The following TP53INP2 variants were observed in gnomAD, a reference collection of about 807,000 sequenced individuals.
TP53INP2 encodes tumor protein p53 inducible nuclear protein 2.
TP53INP2 carries 12 observed loss-of-function variants against 17.1 expected under a neutral mutation model. The observed-to-expected ratio is 0.70, with a 90% CI of 0.45 to 1.14. TP53INP2 has a LOEUF of 1.14. Among genes scored for constraint, TP53INP2 ranks in the 50% most tolerant of loss-of-function variants. TP53INP2 has a pLI of 0.00. For synonymous variants in TP53INP2, 145 were observed against 147.3 expected, an observed-to-expected ratio of 0.98 and a Z score of 0.12; for missense variants, 342 against 330.9, an observed-to-expected ratio of 1.03 and a Z score of -0.26.
At position 34,709,550 on chromosome 20, in the gene TP53INP2, G is replaced by A; in HGVS notation, c.413+26G>A. The A allele has an allele frequency of 6.3e-7, 1 of 1,587,240 alleles. No individual in the cohort carries two copies. The highest frequency in any genetic ancestry group is 8.5e-7 in the Non-Finnish European group (1 of 1,172,914). On this transcript the variant is annotated intron_variant, in intron 4 of 4. Transcript: ENST00000374810. The surrounding 1 kb of genome is among the most constrained non-coding windows in gnomAD (Gnocchi z 5.4). ...GTGAGCGGGCCGGGGGCGGAGCCTG[G>A]AGGCCCAGGGAGACGGATCTTGGAG...
Position 34,712,532 on chromosome 20 carries a change from A to G in TP53INP2, c.*2225A>G, listed in dbSNP as rs372855142. 5 of 152,648 alleles carry G rather than the reference A, an allele frequency of 3.3e-5. No homozygotes were observed. The highest frequency in any genetic ancestry group is 2.1e-4 in the South Asian group (1 of 4,816). 9.5% of individuals were successfully genotyped at this position (152,648 alleles called of 1,614,324 possible). ...AGCATTTGAGTGTGGCAATATTTTAATTGTGTATAGATTTCTAAGAACCAA... is the reference window on the plus strand; with the variant it reads ...AGCATTTGAGTGTGGCAATATTTTAGTTGTGTATAGATTTCTAAGAACCAA... On this transcript the variant is annotated 3_prime_UTR_variant, in exon 5 of 5. Coordinates refer to ENST00000374810, the MANE Select transcript of TP53INP2 (RefSeq NM_021202.3).
rs1988079150 is a variant in TP53INP2 at position 34,709,162 on chromosome 20, T to G, written c.125-74T>G. The G allele has an allele frequency of 4.6e-5, 1 of 21,608 alleles. No individual in the cohort carries two copies. The highest frequency in any genetic ancestry group is 7.6e-4 in the South Asian group (1 of 1,322). The allele number at this position is 21,608 out of a possible 1,614,324, so 1.3% of individuals were successfully genotyped here. Reference sequence around the variant, plus strand: ...TTTCTCTCCCCGCCCCCTTGTCCGGTGTGTGTGTGTGTGTGTGTGTGTGCC... The same window carrying G: ...TTTCTCTCCCCGCCCCCTTGTCCGGGGTGTGTGTGTGTGTGTGTGTGTGCC... On this transcript the variant is annotated intron_variant, in intron 3 of 4. Coordinates refer to ENST00000374810, the MANE Select transcript of TP53INP2 (RefSeq NM_021202.3). The surrounding 1 kb of genome is among the most constrained non-coding windows in gnomAD (Gnocchi z 5.4).
Position 34,709,593 on chromosome 20 carries a change from G to T in TP53INP2, c.413+69G>T. 1.3e-6 allele frequency: 2 copies of T among 1,507,776 alleles called. No homozygotes were observed. The highest frequency in any genetic ancestry group is 4.8e-5 in the East Asian group (2 of 41,712). 93.4% of individuals were successfully genotyped at this position (1,507,776 alleles called of 1,614,324 possible). On this transcript the variant is annotated intron_variant, in intron 4 of 4. Coordinates refer to ENST00000374810, the MANE Select transcript of TP53INP2 (RefSeq NM_021202.3). This position sits in a 1 kb window ranked among gnomAD's most constrained non-coding sequence, Gnocchi z 5.4. Reference sequence around the variant, plus strand: ...TCTTGGAGGCCAGGGTCCAGGCTAGGAGGCTGGGGTAGTGGGGCCAGGAGC... The same window carrying T: ...TCTTGGAGGCCAGGGTCCAGGCTAGTAGGCTGGGGTAGTGGGGCCAGGAGC...
At position 34,710,448 on chromosome 20, in the gene TP53INP2, A is replaced by C; in HGVS notation, c.*141A>C. On this transcript the variant is annotated 3_prime_UTR_variant, in exon 5 of 5. Transcript: ENST00000374810. This position sits in a 1 kb window ranked among gnomAD's most constrained non-coding sequence, Gnocchi z 4.9. ...AGCCGTTCCTTCCCCGACACCCTCA[A>C]TTTCCCCATCTCTGATCCTCTAATC... The C allele has an allele frequency of 1.1e-6, 1 of 937,426 alleles. No homozygotes were observed. The allele number at this position is 937,426 out of a possible 1,614,324, so 58.1% of individuals were successfully genotyped here.
Position 34,709,169 on chromosome 20 carries a change from G to A in TP53INP2, c.125-67G>A. ...CCCCGCCCCCTTGTCCGGTGTGTGT[G>A]TGTGTGTGTGTGTGTGCCTCCTCGC... On this transcript the variant is annotated intron_variant, in intron 3 of 4. Coordinates refer to ENST00000374810, the MANE Select transcript of TP53INP2 (RefSeq NM_021202.3). This position sits in a 1 kb window ranked among gnomAD's most constrained non-coding sequence, Gnocchi z 5.4. The A allele has an allele frequency of 6.8e-7, 1 of 1,462,054 alleles. No homozygotes were observed. The highest frequency in any genetic ancestry group is 2.5e-5 in the East Asian group (1 of 39,376). The allele number at this position is 1,462,054 out of a possible 1,614,324, so 90.6% of individuals were successfully genotyped here.
Position 34,710,211 on chromosome 20 carries a change from G to T in TP53INP2, c.567G>T (p.Val189=). The change falls in exon 5 of 5, where the codon GTG becomes GTT. Residue 189 remains valine, a synonymous_variant. Transcript: ENST00000374810. This position sits in a 1 kb window ranked among gnomAD's most constrained non-coding sequence, Gnocchi z 4.9. Reference sequence around the variant, plus strand: ...GCCACGCGCTGAGCGCCAAGGCGGTGCAGCGGCAGAACCGAGCCCGCGAGA... The same window carrying T: ...GCCACGCGCTGAGCGCCAAGGCGGTTCAGCGGCAGAACCGAGCCCGCGAGA... The part of the protein sequence containing the change: ...AERHALSAKA[V]QRQNRARESR... 6.8e-7 allele frequency: 1 copy of T among 1,480,902 alleles called. No homozygotes were observed. The highest frequency in any genetic ancestry group is 2.7e-5 in the East Asian group (1 of 37,036). The allele number at this position is 1,480,902 out of a possible 1,614,324, so 91.7% of individuals were successfully genotyped here.
chr20:34,710,131 C>G lies in TP53INP2; in HGVS notation c.487C>G (p.Leu163Val). 1 of 1,268,212 alleles carries G rather than the reference C, an allele frequency of 7.9e-7. No homozygotes were observed. Among genetic ancestry groups the G allele is most frequent in the African/African-American group, 1.5e-5 (1 of 64,532 alleles). 78.6% of individuals were successfully genotyped at this position (1,268,212 alleles called of 1,614,324 possible). A position where few individuals can be genotyped will look rare whatever the true frequency, so the allele number is the denominator to read the frequency against. ...AAPLPARAAL[L>V]EKAGQVRRLQ... Reference sequence around the variant, plus strand: ...TCCTCTCCCAGCGCGGGCGGCGCTGCTGGAGAAGGCGGGCCAGGTGCGGCG... The same window carrying G: ...TCCTCTCCCAGCGCGGGCGGCGCTGGTGGAGAAGGCGGGCCAGGTGCGGCG... The change falls in exon 5 of 5, where the codon CTG (leucine) becomes GTG (valine). Residue 163 changes from leucine to valine, a missense_variant. Transcript: ENST00000374810. The surrounding 1 kb of genome is among the most constrained non-coding windows in gnomAD (Gnocchi z 4.9).
At position 34,708,829 on chromosome 20, in the gene TP53INP2, T is replaced by G; in HGVS notation, c.90T>G (p.Asp30Glu). 1 of 1,611,886 alleles carries G rather than the reference T, an allele frequency of 6.2e-7. No homozygotes were observed. Among genetic ancestry groups the G allele is most frequent in the Non-Finnish European group, 8.5e-7 (1 of 1,178,920 alleles). ...CCCGCGCCTTCGTGTCGGAGGAGGATGAAGTGGACGGCTGGCTCATCATTG... is the reference window on the plus strand; with the variant it reads ...CCCGCGCCTTCGTGTCGGAGGAGGAGGAAGTGGACGGCTGGCTCATCATTG... ...DCPRAFVSEE[D>E]EVDGWLIIDL... is the part of the protein sequence containing the mutation. The change falls in exon 3 of 5, where the codon GAT becomes GAG. Residue 30 changes from aspartate (D) to glutamate (E), a missense_variant. Physicochemically the swap from Asp to Glu is conservative, Grantham distance 45. Coordinates refer to ENST00000374810, the MANE Select transcript of TP53INP2 (RefSeq NM_021202.3).
Position 34,709,668 on chromosome 20 carries a change from CAA to C in TP53INP2, c.413+146_413+147del. ...GGCCTTGGGAGGGTTGCCTTTGAGACAAAGTGGGGGGCCGGTGGGCCTCCGGG... is the reference window on the plus strand; with the variant it reads ...GGCCTTGGGAGGGTTGCCTTTGAGACAGTGGGGGGCCGGTGGGCCTCCGGG... On this transcript the variant is annotated intron_variant, in intron 4 of 4. Coordinates refer to ENST00000374810, the MANE Select transcript of TP53INP2 (RefSeq NM_021202.3). This position sits in a 1 kb window ranked among gnomAD's most constrained non-coding sequence, Gnocchi z 5.4. The C allele has an allele frequency of 7.0e-7, 1 of 1,432,078 alleles. No homozygotes were observed. The highest frequency in any genetic ancestry group is 9.1e-7 in the Non-Finnish European group (1 of 1,098,512). The allele number at this position is 1,432,078 out of a possible 1,614,324, so 88.7% of individuals were successfully genotyped here.
At chr20:34,705,675 GA>G (rs750927277) in intron 2 of TP53INP2, among the ~76,000 whole-genome samples, 1 of 152,218 alleles carries the variant, frequency 6.6e-6, no homozygotes, top group Admixed American at 6.5e-5. Flanking sequence ...TAGGAGAAGG[GA>G]TAGGATAAGG....
rs1469791107 is a variant in TP53INP2 at position 34,713,341 on chromosome 20, G to GT, written c.*3035dup. 3 of 152,624 alleles carry GT rather than the reference G, an allele frequency of 2.0e-5. No individual in the cohort carries two copies. Among genetic ancestry groups the GT allele is most frequent in the Non-Finnish European group, 4.4e-5 (3 of 68,040 alleles). 9.5% of individuals were successfully genotyped at this position (152,624 alleles called of 1,614,324 possible). A position where few individuals can be genotyped will look rare whatever the true frequency, so the allele number is the denominator to read the frequency against. On this transcript the variant is annotated 3_prime_UTR_variant, in exon 5 of 5. Coordinates refer to ENST00000374810, the MANE Select transcript of TP53INP2 (RefSeq NM_021202.3). ...TCATGTGGCATGCCTGTGTATGTGT[G>GT]TAACAGAATTCTGATTGTTAGACTG...
chr20:34,710,260 C>G lies in TP53INP2; in HGVS notation c.616C>G (p.Gln206Glu). ...RESRPRRSKN[Q>E]SSFIYQPCQR... The stretch of plus-strand genomic sequence containing the variant: ...GAGCCGTCCGCGCCGGTCCAAGAAC[C>G]AGAGCAGCTTCATCTACCAGCCGTG... The change falls in exon 5 of 5, where the codon CAG becomes GAG. Residue 206 changes from glutamine to glutamate, a missense_variant. Gln to Glu is a conservative substitution (Grantham distance 29). Coordinates refer to ENST00000374810, the MANE Select transcript of TP53INP2 (RefSeq NM_021202.3). This position sits in a 1 kb window ranked among gnomAD's most constrained non-coding sequence, Gnocchi z 4.9. 1 of 1,469,008 alleles carries G rather than the reference C, an allele frequency of 6.8e-7. No individual in the cohort carries two copies. Among genetic ancestry groups the G allele is most frequent in the Admixed American group, 2.2e-5 (1 of 46,432 alleles). 91.0% of individuals were successfully genotyped at this position (1,469,008 alleles called of 1,614,324 possible).
Position 34,712,731 on chromosome 20 carries a change from TAG to T in TP53INP2, c.*2429_*2430del, listed in dbSNP as rs1396413158. The T allele has an allele frequency of 6.6e-6, 1 of 152,576 alleles. No individual in the cohort carries two copies. Among genetic ancestry groups the T allele is most frequent in the Non-Finnish European group, 1.5e-5 (1 of 68,036 alleles). The allele number at this position is 152,576 out of a possible 1,614,324, so 9.5% of individuals were successfully genotyped here. ...GTCCTATGCAACCTTAGGAGGGGGT[TAG>T]AGAGTCTGTTTTGATTGATGTTTTC... On this transcript the variant is annotated 3_prime_UTR_variant, in exon 5 of 5. Transcript: ENST00000374810.
In TP53INP2 at chr20:34,709,388, A is replaced by G. The variant is rs1988099189; in HGVS notation, c.277A>G (p.Ser93Gly). Residue 93 changes from serine (S) to glycine (G), a missense_variant, in exon 4 of 5, where the codon AGC becomes GGC. By Grantham distance (56) the Ser-to-Gly change is moderately conservative. Coordinates refer to ENST00000374810, the MANE Select transcript of TP53INP2 (RefSeq NM_021202.3). The surrounding 1 kb of genome is among the most constrained non-coding windows in gnomAD (Gnocchi z 5.4). Reference protein sequence around the residue: ...GPGLGPARLQSSPLEDLLIEH... With the variant: ...GPGLGPARLQGSPLEDLLIEH... ...TGGACTCGGTCCCGCCCGCCTCCAG[A>G]GCAGTCCCCTGGAGGACCTCCTCAT... The G allele has an allele frequency of 6.2e-7, 1 of 1,613,724 alleles. No homozygotes were observed. The highest frequency in any genetic ancestry group is 1.1e-5 in the South Asian group (1 of 91,078).
chr20:34,710,455 C>A lies in TP53INP2; in HGVS notation c.*148C>A. The A allele has an allele frequency of 1.1e-6, 1 of 883,764 alleles. No individual in the cohort carries two copies. The highest frequency in any genetic ancestry group is 2.5e-4 in the Middle Eastern group (1 of 4,070). 54.7% of individuals were successfully genotyped at this position (883,764 alleles called of 1,614,324 possible). A position where few individuals can be genotyped will look rare whatever the true frequency, so the allele number is the denominator to read the frequency against. ...CCTTCCCCGACACCCTCAATTTCCC[C>A]ATCTCTGATCCTCTAATCTGCCTCT... is the stretch of plus-strand genomic sequence containing the variant. On this transcript the variant is annotated 3_prime_UTR_variant, in exon 5 of 5. Coordinates refer to ENST00000374810, the MANE Select transcript of TP53INP2 (RefSeq NM_021202.3). The surrounding 1 kb of genome is among the most constrained non-coding windows in gnomAD (Gnocchi z 4.9).
rs745444838 is a variant in TP53INP2, at chr20:34,709,534, C to T, written c.413+10C>T. 35 of 1,600,930 alleles carry T rather than the reference C, an allele frequency of 2.2e-5. No individual in the cohort carries two copies. The highest frequency in any genetic ancestry group is 2.5e-5 in the Non-Finnish European group (30 of 1,177,970). ...GCGACCTCAGCGAAGGGTGAGCGGG[C>T]CGGGGGCGGAGCCTGGAGGCCCAGG... On this transcript the variant is annotated intron_variant, in intron 4 of 4. Coordinates refer to ENST00000374810, the MANE Select transcript of TP53INP2 (RefSeq NM_021202.3). This position sits in a 1 kb window ranked among gnomAD's most constrained non-coding sequence, Gnocchi z 5.4.
Position 34,709,108 on chromosome 20 carries a change from A to C in TP53INP2, c.125-128A>C. 7.0e-7 allele frequency: 1 copy of C among 1,438,750 alleles called. No homozygotes were observed. Among genetic ancestry groups the C allele is most frequent in the Non-Finnish European group, 9.1e-7 (1 of 1,100,138 alleles). 89.1% of individuals were successfully genotyped at this position (1,438,750 alleles called of 1,614,324 possible). A position where few individuals can be genotyped will look rare whatever the true frequency, so the allele number is the denominator to read the frequency against. ...CCGTGGGTGCCCCGGGGCGCTGCGG[A>C]CGGGCTGCGGGTCTGACTAACGATG... On this transcript the variant is annotated intron_variant, in intron 3 of 4. Coordinates refer to ENST00000374810, the MANE Select transcript of TP53INP2 (RefSeq NM_021202.3). The surrounding 1 kb of genome is among the most constrained non-coding windows in gnomAD (Gnocchi z 5.4).
Position 34,709,622 on chromosome 20 carries a change from C to G in TP53INP2, c.413+98C>G. The G allele has an allele frequency of 1.4e-6, 2 of 1,452,988 alleles. No individual in the cohort carries two copies. Among genetic ancestry groups the G allele is most frequent in the South Asian group, 1.4e-5 (1 of 69,960 alleles). The allele number at this position is 1,452,988 out of a possible 1,614,324, so 90.0% of individuals were successfully genotyped here. A position where few individuals can be genotyped will look rare whatever the true frequency, so the allele number is the denominator to read the frequency against. On this transcript the variant is annotated intron_variant, in intron 4 of 4. Coordinates refer to ENST00000374810, the MANE Select transcript of TP53INP2 (RefSeq NM_021202.3). This position sits in a 1 kb window ranked among gnomAD's most constrained non-coding sequence, Gnocchi z 5.4. ...CTGGGGTAGTGGGGCCAGGAGCCCG[C>G]CCCGCGCTCGAGGGGGTAGCGGCCT...
chr20:34,707,751 A>G (rs564022062), intron 2 of TP53INP2, among the ~76,000 whole-genome samples: 2 of 152,326 alleles, frequency 1.3e-5, no homozygotes, highest in East Asian at 3.9e-4. Context: ...ATGAGGTAAT[A>G]TAGGTAAAGC....
Sources: allele counts gnomAD v4.1 joint callset (sites outside exome capture counted in the v4.1 genomes callset), GRCh38; gene constraint gnomAD v4.1.1; non-coding constraint Gnocchi (gnomAD v3.1); transcripts MANE v1.5; gene names NCBI Gene and HGNC (gene_info 2026-07-23, HGNC 2026-07-21).